APC2: variants seen among roughly 807,000 people sequenced by gnomAD.
APC2 encodes APC regulator of Wnt signaling pathway 2.
In APC2, 41 loss-of-function variants were observed where a neutral mutation model predicts 72.5. That is an observed-to-expected ratio of 0.57 (90% CI 0.44 to 0.73). The LOEUF is 0.73. APC2 is among the 30% of genes least tolerant of loss of function. The pLI is 0.00. For synonymous variants in APC2, 1,898 were observed against 1,612.0 expected, an observed-to-expected ratio of 1.18 and a Z score of -4.25; for missense variants, 3,729 against 3,403.4, an observed-to-expected ratio of 1.10 and a Z score of -2.38.
intron 6 of APC2, 106 bp from the exon 7 acceptor site, chr19:1,455,970 G>A (rs1226311352): frequency 3.5e-6 from 2 of 566,244 alleles, no homozygotes; most frequent in Admixed American, 4.8e-5. Flanking sequence ...GGGTTATCAG[G>A]AAGAGGCGGG....
intron 1 of APC2, among the ~76,000 whole-genome samples, chr19:1,451,051 G>A (rs1304295688): frequency 1.3e-5 from 2 of 152,176 alleles, no homozygotes; most frequent in Admixed American, 6.5e-5. Context: ...TCTCACTTGT[G>A]ACGTTTAAAG....
At chr19:1,458,244 T>C (rs2083869374) in intron 10 of APC2, 184 bp downstream of exon 10, 1 of 621,524 alleles carries the variant, frequency 1.6e-6, no homozygotes, top group Admixed American at 2.7e-5. Context: ...CTGGGCCCTC[T>C]GTCCCCATGA....
Position 1,455,474 on chromosome 19 carries a change from T to G in APC2, c.613T>G (p.Ser205Ala). 1 of 1,603,436 alleles carries G rather than the reference T, an allele frequency of 6.2e-7. No homozygotes were observed. The highest frequency in any genetic ancestry group is 1.1e-5 in the South Asian group (1 of 89,492). The change falls in exon 6 of 15, where the codon TCG becomes GCG. Residue 205 changes from serine to alanine, a missense_variant. Coordinates refer to ENST00000590469, the MANE Select transcript of APC2 (RefSeq NM_005883.3). ...GCTGATGGAGGAGCGCTTCGGCACC[T>G]CGGACGAGATGGTGCAGCGGGCACA... is the stretch of plus-strand genomic sequence containing the variant. ...RSLMEERFGT[S>A]DEMVQRAQIR... is the part of the protein sequence containing the mutation.
chr19:1,463,004 G>A (rs1184119904), intron 14 of APC2, among the ~76,000 whole-genome samples: 10 of 131,114 alleles, frequency 7.6e-5, no homozygotes, highest in African/African-American at 1.5e-4. Context: ...GGCTGGGCTC[G>A]GTCCCTCACA....
Position 1,460,999 on chromosome 19 carries a change from A to G in APC2, c.1522-38A>G, listed in dbSNP as rs7256954. Reference sequence around the variant, plus strand: ...TTGCTGGGGGGTTTGGGGGGCCTGGACCCTAGTCCCACCACACTTGCCCCT... The same window carrying G: ...TTGCTGGGGGGTTTGGGGGGCCTGGGCCCTAGTCCCACCACACTTGCCCCT... On this transcript the variant is annotated intron_variant, in intron 12 of 14. Coordinates refer to ENST00000590469, the MANE Select transcript of APC2 (RefSeq NM_005883.3). 26,647 of 1,608,290 alleles carry G rather than the reference A, an allele frequency of 0.017. 2,492 individuals carry two copies. The African/African-American group carries it at 0.25, about 15-fold the overall frequency.
chr19:1,467,630 C>A lies in APC2; in HGVS notation c.4329C>A (p.His1443Gln). The part of the protein sequence containing the change: ...TSARQAMGHR[H>Q]KAGGAGRSAE... ...CCAGACAGGCCATGGGGCACCGGCACAAGGCGGGAGGCGCCGGCCGCAGCG... is the reference window on the plus strand; with the variant it reads ...CCAGACAGGCCATGGGGCACCGGCAAAAGGCGGGAGGCGCCGGCCGCAGCG... Residue 1443 changes from histidine (H) to glutamine (Q), a missense_variant, in exon 15 of 15, where the codon CAC (histidine) becomes CAA (glutamine). Coordinates refer to ENST00000590469, the MANE Select transcript of APC2 (RefSeq NM_005883.3). The A allele has an allele frequency of 6.7e-7, 1 of 1,488,518 alleles. No homozygotes were observed. Among genetic ancestry groups the A allele is most frequent in the South Asian group, 1.3e-5 (1 of 78,136 alleles). 92.2% of individuals were successfully genotyped at this position (1,488,518 alleles called of 1,614,324 possible). A position where few individuals can be genotyped will look rare whatever the true frequency, so the allele number is the denominator to read the frequency against.
rs1474849826 is a variant in APC2, at chr19:1,468,213, C to T, written c.4912C>T (p.Pro1638Ser). The change falls in exon 15 of 15, where the codon CCC (proline) becomes TCC (serine). Residue 1638 changes from proline (P) to serine (S), a missense_variant. Physicochemically the swap from Pro to Ser is moderately conservative, Grantham distance 74. Coordinates refer to ENST00000590469, the MANE Select transcript of APC2 (RefSeq NM_005883.3). ...LLQRCISSAL[P>S]RRRPPVSGLR... ...GCAGCGGTGCATCAGCTCGGCCCTGCCCAGGCGCCGGCCCCCCGTGTCTGG... is the reference window on the plus strand; with the variant it reads ...GCAGCGGTGCATCAGCTCGGCCCTGTCCAGGCGCCGGCCCCCCGTGTCTGG... 17 of 1,475,440 alleles carry T rather than the reference C, an allele frequency of 1.2e-5. No homozygotes were observed. The highest frequency in any genetic ancestry group is 2.7e-5 in the South Asian group (2 of 74,954). The allele number at this position is 1,475,440 out of a possible 1,614,324, so 91.4% of individuals were successfully genotyped here.
At chr19:1,458,951 C>T (rs960792030) in intron 10 of APC2, among the ~76,000 whole-genome samples, 20 of 152,008 alleles carry the variant, frequency 1.3e-4, no homozygotes, top group South Asian at 2.1e-4. Context: ...CCCAAAGTGC[C>T]GGGATTACAG....
chr19:1,460,290 C>T lies in APC2; in HGVS notation c.1413C>T (p.Thr471=), dbSNP rs1308694288. The T allele has an allele frequency of 1.9e-5, 31 of 1,613,410 alleles. No homozygotes were observed. The Admixed American group carries it at 5.0e-4, about 26-fold the overall frequency. Residue 471 remains threonine, a synonymous_variant, in exon 11 of 15, where the codon ACC becomes ACT. Transcript: ENST00000590469. ...ALRRYAGMTL[T]NLTFGDVANK... ...GCCGCTACGCGGGCATGACCCTCAC[C>T]AACCTCACCTTTGGGGACGTTGCCA...
Position 1,465,165 on chromosome 19 carries a change from C to T in APC2, c.1864C>T (p.Arg622Trp), listed in dbSNP as rs1336154961. 8 of 1,600,238 alleles carry T rather than the reference C, an allele frequency of 5.0e-6. 1 individual carries two copies. Among genetic ancestry groups the T allele is most frequent in the Non-Finnish European group, 6.8e-6 (8 of 1,174,406 alleles). The part of the protein sequence containing the change: ...ATREDYRQVL[R>W]DHNCLQTLLQ... Reference sequence around the variant, plus strand: ...GCCCTGTGCCTACAGGCAGGTGCTCCGGGATCACAACTGTCTGCAGACGCT... The same window carrying T: ...GCCCTGTGCCTACAGGCAGGTGCTCTGGGATCACAACTGTCTGCAGACGCT... The change falls in exon 15 of 15, where the codon CGG becomes TGG. Residue 622 changes from arginine (R) to tryptophan (W), a missense_variant. Arg to Trp is a moderately radical substitution (Grantham distance 101). Transcript: ENST00000590469.
Position 1,452,806 on chromosome 19 carries a change from T to C in APC2, c.-18-178T>C. 1 of 714,164 alleles carries C rather than the reference T, an allele frequency of 1.4e-6. No individual in the cohort carries two copies. The highest frequency in any genetic ancestry group is 2.1e-5 in the South Asian group (1 of 47,670). The allele number at this position is 714,164 out of a possible 1,614,324, so 44.2% of individuals were successfully genotyped here. A position where few individuals can be genotyped will look rare whatever the true frequency, so the allele number is the denominator to read the frequency against. On this transcript the variant is annotated intron_variant, in intron 1 of 14. Coordinates refer to ENST00000590469, the MANE Select transcript of APC2 (RefSeq NM_005883.3). This position sits in a 1 kb window ranked among gnomAD's most constrained non-coding sequence, Gnocchi z 5.1. ...CCACCTGCCCCTCTGCGCCCCGGAT[T>C]GCCTGGCCACCACCACGTGGGCCTG...
Position 1,466,401 on chromosome 19 carries a change from G to A in APC2, c.3100G>A (p.Asp1034Asn). Reference protein sequence around the residue: ...GARKQAWLPADHLSKVPEKLA... With the variant: ...GARKQAWLPANHLSKVPEKLA... ...CCGGAAGCAGGCCTGGCTGCCGGCA[G>A]ACCACCTGAGCAAGGTTCCCGAGAA... The change falls in exon 15 of 15, where the codon GAC becomes AAC. Residue 1034 changes from aspartate (D) to asparagine (N), a missense_variant. By Grantham distance (23) the Asp-to-Asn change is conservative (BLOSUM62 1). Coordinates refer to ENST00000590469, the MANE Select transcript of APC2 (RefSeq NM_005883.3). 1 of 1,593,960 alleles carries A rather than the reference G, an allele frequency of 6.3e-7. No individual in the cohort carries two copies. The highest frequency in any genetic ancestry group is 8.5e-7 in the Non-Finnish European group (1 of 1,176,048).
In APC2 at chr19:1,469,833, C is replaced by T. The variant is rs762056847; in HGVS notation, c.6532C>T (p.Pro2178Ser). ...GCGGGGCTCCACGCCCGAGGACGCC[C>T]CGGCCGGGCCCCCGCCGCGCAAGAC... ...PLRGSTPEDA[P>S]AGPPPRKTSD... Residue 2178 changes from proline to serine, a missense_variant, in exon 15 of 15, where the codon CCG becomes TCG. Transcript: ENST00000590469. 42 of 1,520,594 alleles carry T rather than the reference C, an allele frequency of 2.8e-5. No individual in the cohort carries two copies. In the South Asian group the frequency reaches 4.8e-4, roughly 17 times the overall value. The allele number at this position is 1,520,594 out of a possible 1,614,324, so 94.2% of individuals were successfully genotyped here.
At position 1,459,144 on chromosome 19, in the gene APC2, C is replaced by T. The variant is rs114549948; in HGVS notation, c.1304-1037C>T. On this transcript the variant is annotated intron_variant, in intron 10 of 14. Transcript: ENST00000590469. ...ACAGGATTTGTCATTTTATGCCTGGCGTCTCCCACTGAGCGTGACATCCTC... is the reference window on the plus strand; with the variant it reads ...ACAGGATTTGTCATTTTATGCCTGGTGTCTCCCACTGAGCGTGACATCCTC... Among the ~76,000 whole-genome samples the T allele has an allele frequency of 6.0e-3, 918 of 152,268 alleles. 13 individuals carry two copies. The highest frequency in any genetic ancestry group is 0.021 in the African/African-American group (870 of 41,536).
chr19:1,446,454 C>A, upstream of APC2: 2 of 811,660 alleles, frequency 2.5e-6, no homozygotes, highest in Non-Finnish European at 3.0e-6. The surrounding 1 kb of genome is among the most constrained non-coding windows in gnomAD (Gnocchi z 6.1). Flanking sequence ...GGGGCGAGCG[C>A]GCGGAGGCTG....
rs745424256 is a variant in APC2, at chr19:1,453,499, G to C, written c.301G>C (p.Ala101Pro). The C allele has an allele frequency of 1.9e-6, 3 of 1,606,818 alleles. No homozygotes were observed. The highest frequency in any genetic ancestry group is 1.7e-5 in the Admixed American group (1 of 59,662). ...GCCGCCCACCCTGGGCCCGGAGCCT[G>C]CCGCCCGGACCCCCGAGGGCAGCCC... Reference protein sequence around the residue: ...FQPPTLGPEPAARTPEGSPVH... With the variant: ...FQPPTLGPEPPARTPEGSPVH... Residue 101 changes from alanine (A) to proline (P), a missense_variant, in exon 4 of 15, where the codon GCC becomes CCC. Transcript: ENST00000590469.
Position 1,468,181 on chromosome 19 carries a change from A to G in APC2, c.4880A>G (p.Glu1627Gly), listed in dbSNP as rs1270106908. 1 of 1,450,994 alleles carries G rather than the reference A, an allele frequency of 6.9e-7. No homozygotes were observed. Among genetic ancestry groups the G allele is most frequent in the East Asian group, 2.9e-5 (1 of 35,026 alleles). The allele number at this position is 1,450,994 out of a possible 1,614,324, so 89.9% of individuals were successfully genotyped here. ...DSSPSPRAAE[E>G]LLQRCISSAL... The stretch of plus-strand genomic sequence containing the variant: ...TCGCCCAGCCCGCGGGCCGCGGAGG[A>G]GCTTCTGCAGCGGTGCATCAGCTCG... Residue 1627 changes from glutamate (E) to glycine (G), a missense_variant, in exon 15 of 15, where the codon GAG (glutamate) becomes GGG (glycine). Physicochemically the swap from Glu to Gly is moderately conservative, Grantham distance 98. Transcript: ENST00000590469.
At chr19:1,450,112 C>T (rs963539347), upstream of APC2, 2 of 983,140 alleles carry the variant, frequency 2.0e-6, no homozygotes, top group Non-Finnish European at 2.4e-6. Context: ...CCCGCATCCT[C>T]CCCCGCTCGC....
chr19:1,455,523 G>A (rs777904669), intron 6 of APC2, 23 bp downstream of exon 6: 28 of 1,581,714 alleles, frequency 1.8e-5, no homozygotes, highest in African/African-American at 5.4e-5. Context: ...GCGGGGTGGC[G>A]CGGCGGTAGG....
Sources: allele counts gnomAD v4.1 joint callset (sites outside exome capture counted in the v4.1 genomes callset), GRCh38; gene constraint gnomAD v4.1.1; non-coding constraint Gnocchi (gnomAD v3.1); transcripts MANE v1.5; gene names NCBI Gene and HGNC (gene_info 2026-07-23, HGNC 2026-07-21).